The following GALNT11 variants were observed in gnomAD, a reference collection of about 807,000 sequenced individuals.
The protein encoded by GALNT11 is polypeptide N-acetylgalactosaminyltransferase 11.
GALNT11 carries 47 observed loss-of-function variants against 72.7 expected under a neutral mutation model. The observed-to-expected ratio is 0.65, with a 90% CI of 0.51 to 0.82. The LOEUF is 0.82. Among genes scored for constraint, GALNT11 ranks in the 40% least tolerant of loss-of-function variants. GALNT11 has a pLI of 0.00. For synonymous variants in GALNT11, 270 were observed against 286.6 expected, an observed-to-expected ratio of 0.94 and a Z score of 0.58; for missense variants, 677 against 778.4, an observed-to-expected ratio of 0.87 and a Z score of 1.55.
intron 1 of GALNT11, among the ~76,000 whole-genome samples, chr7:152,064,426 T>C (rs951622419): frequency 1.7e-4 from 26 of 152,316 alleles, no homozygotes; most frequent in African/African-American, 5.8e-4. Flanking sequence ...CAATCTGTGT[T>C]GTTTAATTGG....
intron 1 of GALNT11, among the ~76,000 whole-genome samples, chr7:152,059,711 A>G (rs1311780480): frequency 1.3e-5 from 2 of 152,222 alleles, no homozygotes; most frequent in Non-Finnish European, 2.9e-5. Flanking sequence ...GTAGGTCTCA[A>G]CAGTGGGCTT....
intron 1 of GALNT11, among the ~76,000 whole-genome samples, chr7:152,042,574 T>A (rs1345722230): frequency 6.6e-6 from 1 of 152,198 alleles, no homozygotes; most frequent in Non-Finnish European, 1.5e-5. Context: ...AAAAATGATA[T>A]CCTAAACCTT....
intron 2 of GALNT11, among the ~76,000 whole-genome samples, chr7:152,096,427 G>GA (rs1051586777): frequency 8.5e-5 from 13 of 152,122 alleles, no homozygotes; most frequent in Non-Finnish European, 4.4e-5. Flanking sequence ...TCAAGAATGT[G>GA]AAAAAAGGGC....
At chr7:152,096,263 A>G (rs946979964) in intron 2 of GALNT11, among the ~76,000 whole-genome samples, 4 of 152,218 alleles carry the variant, frequency 2.6e-5, no homozygotes, top group Non-Finnish European at 5.9e-5. Context: ...GTAAAGAGGG[A>G]AAAGGTTATC....
At position 152,026,144 on chromosome 7, in the gene GALNT11, CG is replaced by C. The variant is rs1217950259; in HGVS notation, c.-39+261del. On this transcript the variant is annotated intron_variant, in intron 1 of 11. Transcript: ENST00000430044. ...GACCAGGGCGCTGGCCTCGTTTTCG[CG>C]TATTTAGGACGGAGGCACACCTGAT... Among the ~76,000 whole-genome samples, 6 of 152,248 alleles carry C rather than the reference CG, an allele frequency of 3.9e-5. No homozygotes were observed. The East Asian group carries it at 7.8e-4, about 20-fold the overall frequency.
Position 152,118,667 on chromosome 7 carries a change from T to TTCTCTTACAGCTCTA in GALNT11, c.1453-8_1459dup, listed in dbSNP as rs1446066198. ...TGTTTCCCACATTCTGAGCTGTGCCTTCTCTTACAGCTCTATCACCTCCAG... is the reference window on the plus strand; with the variant it reads ...TGTTTCCCACATTCTGAGCTGTGCCTTCTCTTACAGCTCTATCTCTTACAGCTCTATCACCTCCAG... On this transcript the variant is annotated splice_polypyrimidine_tract_variant and intron_variant, in intron 9 of 11. Coordinates refer to ENST00000430044, the MANE Select transcript of GALNT11 (RefSeq NM_022087.4). The TTCTCTTACAGCTCTA allele has an allele frequency of 6.2e-7, 1 of 1,606,108 alleles. No individual in the cohort carries two copies. The highest frequency in any genetic ancestry group is 1.1e-5 in the South Asian group (1 of 89,618).
At chr7:152,036,462 T>G (rs1025558143) in intron 1 of GALNT11, among the ~76,000 whole-genome samples, 2 of 152,212 alleles carry the variant, frequency 1.3e-5, no homozygotes, top group Non-Finnish European at 2.9e-5. Flanking sequence ...ATTGTGTATA[T>G]GTACCATGTT....
chr7:152,051,875 C>A (rs145033705), intron 1 of GALNT11, among the ~76,000 whole-genome samples: 1 of 152,128 alleles, frequency 6.6e-6, no homozygotes, highest in Non-Finnish European at 1.5e-5. Context: ...AGTTCTACTG[C>A]GCTTTTTGTT....
At chr7:152,059,009 C>A (rs1024132773) in intron 1 of GALNT11, among the ~76,000 whole-genome samples, 2 of 152,148 alleles carry the variant, frequency 1.3e-5, no homozygotes, top group African/African-American at 4.8e-5. Flanking sequence ...TTCTTCTAAA[C>A]TCCCGTTAAT....
Position 152,094,511 on chromosome 7 carries a change from CT to C in GALNT11, c.286del (p.Ser96LeufsTer3), listed in dbSNP as rs2086252927. ...EDPEEGHLKF[S>X]SELGMIFNER... is the part of the protein sequence containing the mutation. Reference sequence around the variant, plus strand: ...CCAGAAGAAGGCCACTTGAAATTCTCTTCTGAATTAGGTAAGTATATGATGT... The same window carrying C: ...CCAGAAGAAGGCCACTTGAAATTCTCTCTGAATTAGGTAAGTATATGATGT... On this transcript the variant is annotated frameshift_variant, in exon 2 of 12. Coordinates refer to ENST00000430044, the MANE Select transcript of GALNT11 (RefSeq NM_022087.4). LOFTEE classifies it high-confidence loss of function. This position sits in a 1 kb window ranked among gnomAD's most constrained non-coding sequence, Gnocchi z 4.3. 6.2e-7 allele frequency: 1 copy of C among 1,609,270 alleles called. No homozygotes were observed. The highest frequency in any genetic ancestry group is 1.1e-5 in the South Asian group (1 of 90,524).
intron 1 of GALNT11, among the ~76,000 whole-genome samples, chr7:152,037,135 C>G (rs1323853089): frequency 6.6e-6 from 1 of 152,192 alleles, no homozygotes; most frequent in Non-Finnish European, 1.5e-5. Flanking sequence ...CTCCAGAAAT[C>G]TCTGCCTAGT....
intron 1 of GALNT11, among the ~76,000 whole-genome samples, chr7:152,034,412 A>C (rs1478802678): frequency 1.3e-5 from 2 of 152,192 alleles, no homozygotes; most frequent in African/African-American, 4.8e-5. Context: ...TACTTCCCTC[A>C]GGTGGCCATT....
At chr7:152,102,258 A>C (rs1193706712) in intron 3 of GALNT11, among the ~76,000 whole-genome samples, 1 of 152,156 alleles carries the variant, frequency 6.6e-6, no homozygotes, top group Non-Finnish European at 1.5e-5. Context: ...AAAAGTCTTT[A>C]TTCGGCTGGA....
chr7:152,097,613 C>A lies in GALNT11; in HGVS notation c.295+3091C>A, dbSNP rs1391958376. Among the ~76,000 whole-genome samples, 29 of 152,202 alleles carry A rather than the reference C, an allele frequency of 1.9e-4. 1 individual carries two copies. Among genetic ancestry groups the A allele is most frequent in the Admixed American group, 1.9e-3 (29 of 15,286 alleles). On this transcript the variant is annotated intron_variant, in intron 2 of 11. Coordinates refer to ENST00000430044, the MANE Select transcript of GALNT11 (RefSeq NM_022087.4). The stretch of plus-strand genomic sequence containing the variant: ...AACATGTTATCCAAATATCCATCAA[C>A]TGATGAAGGGATAAACTAAGTGTGG...
chr7:152,059,265 T>G (rs1345013216), intron 1 of GALNT11, among the ~76,000 whole-genome samples: 1 of 151,936 alleles, frequency 6.6e-6, no homozygotes, highest in African/African-American at 2.4e-5. Context: ...CCAACTTTTT[T>G]TTTTGTATTT....
intron 3 of GALNT11, 45 bp from the exon 4 acceptor site, chr7:152,103,067 C>G (rs201433086): frequency 1.3e-6 from 2 of 1,543,574 alleles, no homozygotes; most frequent in Non-Finnish European, 8.9e-7. Flanking sequence ...CTAAACCATT[C>G]GAGCCTTTTA....
intron 1 of GALNT11, among the ~76,000 whole-genome samples, chr7:152,052,488 GAC>G (rs2083451433): frequency 1.3e-5 from 2 of 152,156 alleles, no homozygotes; most frequent in Admixed American, 6.5e-5. Flanking sequence ...TTGAGGAACT[GAC>G]AAACTCTTCT....
At chr7:152,112,773 A>G (rs1391937559) in intron 7 of GALNT11, among the ~76,000 whole-genome samples, 1 of 152,112 alleles carries the variant, frequency 6.6e-6, no homozygotes, top group Non-Finnish European at 1.5e-5. Flanking sequence ...CTTAATCTGG[A>G]GTTATTCTAT....
chr7:152,082,933 T>C (rs879289586), intron 1 of GALNT11, among the ~76,000 whole-genome samples: 11 of 152,316 alleles, frequency 7.2e-5, no homozygotes, highest in Admixed American at 1.3e-4. Context: ...AAGAACTATT[T>C]GTGTTTCTGT....
Sources: allele counts gnomAD v4.1 joint callset (sites outside exome capture counted in the v4.1 genomes callset), GRCh38; gene constraint gnomAD v4.1.1; non-coding constraint Gnocchi (gnomAD v3.1); transcripts MANE v1.5; gene names NCBI Gene and HGNC (gene_info 2026-07-23, HGNC 2026-07-21).